EIF3B: variants seen among roughly 807,000 people sequenced by gnomAD.
The protein encoded by EIF3B is eukaryotic translation initiation factor 3 subunit B.
Under a neutral mutation model 104.6 loss-of-function variants are expected in EIF3B, and 10 were observed. The observed-to-expected ratio is 0.10, with a 90% CI of 0.06 to 0.16. The LOEUF (loss-of-function observed/expected upper bound fraction) is 0.16, where lower values mean the gene tolerates loss of function less well. Among genes scored for constraint, EIF3B ranks in the 10% least tolerant of loss-of-function variants. EIF3B has a pLI of 1.00. For synonymous variants in EIF3B, 542 were observed against 417.2 expected (o/e 1.30, Z -3.65); for missense variants, 1,014 against 1,087.9 (o/e 0.93, Z 0.96).
intron 3 of EIF3B, 49 bp downstream of exon 3, chr7:2,362,813 C>T (rs1779809419): frequency 6.2e-7 from 1 of 1,611,060 alleles, no homozygotes; most frequent in Admixed American, 1.7e-5. Context: ...GTGCAAGTGA[C>T]TGGCTGTGTG....
intron 14 of EIF3B, 53 bp from the exon 15 acceptor site, chr7:2,376,897 G>T: frequency 6.3e-7 from 1 of 1,580,004 alleles, no homozygotes; most frequent in East Asian, 2.3e-5. Flanking sequence ...ACATAGTCAC[G>T]GTTGTGGCTC....
intron 6 of EIF3B, among the ~76,000 whole-genome samples, chr7:2,365,055 G>T (rs1022829536): frequency 6.6e-6 from 1 of 152,206 alleles, no homozygotes; most frequent in East Asian, 1.9e-4. Flanking sequence ...CAGGTCAAGC[G>T]GTTCTCCCAC....
At position 2,377,055 on chromosome 7, in the gene EIF3B, C is replaced by T. The variant is rs746366199; in HGVS notation, c.2134C>T (p.Leu712=). The T allele has an allele frequency of 1.5e-5, 24 of 1,613,422 alleles. No homozygotes were observed. The highest frequency in any genetic ancestry group is 1.9e-5 in the Non-Finnish European group (23 of 1,179,918). Residue 712 remains leucine, a synonymous_variant, in exon 15 of 19, where the codon CTG becomes TTG. Transcript: ENST00000360876. ...GTGGCGGCCCCGGCCTCCCACACTCCTGAGCCAGGAACAGATCAAGGTCAG... is the reference window on the plus strand; with the variant it reads ...GTGGCGGCCCCGGCCTCCCACACTCTTGAGCCAGGAACAGATCAAGGTCAG... ...LLWRPRPPTL[L]SQEQIKQIKK... is the part of the protein sequence containing the mutation.
intron 9 of EIF3B, among the ~76,000 whole-genome samples, chr7:2,368,245 C>T (rs1051882123): frequency 1.3e-4 from 20 of 152,130 alleles, no homozygotes; most frequent in African/African-American, 4.3e-4. Context: ...CAGGTTCAAA[C>T]GATTCTGGTG....
At chr7:2,364,167 C>T (rs1161471089) in intron 5 of EIF3B, among the ~76,000 whole-genome samples, 1 of 151,892 alleles carries the variant, frequency 6.6e-6, no homozygotes, top group Admixed American at 6.6e-5. Context: ...GAGGCTGAGG[C>T]AGGAGAATGG....
chr7:2,356,179 C>T (rs1342849487), intron 1 of EIF3B, among the ~76,000 whole-genome samples: 3 of 152,132 alleles, frequency 2.0e-5, no homozygotes, highest in African/African-American at 4.8e-5. Context: ...GTTGGGAACA[C>T]ATCAGCCTCT....
intron 1 of EIF3B, among the ~76,000 whole-genome samples, chr7:2,355,769 C>A (rs1017990049): frequency 1.3e-5 from 2 of 152,080 alleles, no homozygotes; most frequent in Non-Finnish European, 2.9e-5. Flanking sequence ...ACGGCAAAAA[C>A]CGAAGACCCG....
chr7:2,363,556 C>A, intron 4 of EIF3B, 76 bp from the exon 5 acceptor site: 1 of 1,374,142 alleles, frequency 7.3e-7, no homozygotes, highest in Non-Finnish European at 1.0e-6. Flanking sequence ...CTTGTCATAT[C>A]TTTAAGAGCA....
intron 11 of EIF3B, 67 bp from the exon 12 acceptor site, chr7:2,372,606 T>C: frequency 6.4e-7 from 1 of 1,560,022 alleles, no homozygotes; most frequent in Non-Finnish European, 8.7e-7. Flanking sequence ...AGTGAACATT[T>C]TAACTGATCA....
At chr7:2,379,083 G>GA in intron 16 of EIF3B, 51 bp from the exon 17 acceptor site, 9 of 1,536,686 alleles carry the variant, frequency 5.9e-6, no homozygotes, top group Non-Finnish European at 8.1e-6. Context: ...TCTTCGCGAT[G>GA]GGGAGGCACT....
At chr7:2,366,828 A>G (rs1327338792) in intron 8 of EIF3B, 171 bp from the exon 9 acceptor site, 2 of 823,540 alleles carry the variant, frequency 2.4e-6, no homozygotes, top group Non-Finnish European at 3.9e-6. Flanking sequence ...GGGCTTCAGA[A>G]CTGCAGTTCT....
At chr7:2,359,905 A>G (rs1393893479) in intron 1 of EIF3B, among the ~76,000 whole-genome samples, 2 of 152,212 alleles carry the variant, frequency 1.3e-5, no homozygotes, top group Non-Finnish European at 2.9e-5. Context: ...TAGGAAAGAC[A>G]CTGTCACATC....
In EIF3B at chr7:2,371,758, C is replaced by G. The variant is rs189767749; in HGVS notation, c.1615-19C>G. ...TTCACTGTCCAGAATGTCACCCCTT[C>G]CCCCTTTTTTTTAAACAGGGTGTTG... is the stretch of plus-strand genomic sequence containing the variant. On this transcript the variant is annotated intron_variant, in intron 10 of 18. Coordinates refer to ENST00000360876, the MANE Select transcript of EIF3B (RefSeq NM_001037283.2). 4 of 1,585,796 alleles carry G rather than the reference C, an allele frequency of 2.5e-6. No homozygotes were observed. The highest frequency in any genetic ancestry group is 3.5e-6 in the Non-Finnish European group (4 of 1,154,392).
intron 9 of EIF3B, 138 bp from the exon 10 acceptor site, chr7:2,369,334 T>C: frequency 1.1e-6 from 1 of 883,136 alleles, no homozygotes; most frequent in Non-Finnish European, 1.8e-6. Context: ...GAGCAGTGGC[T>C]GTGCAGAGGG....
chr7:2,355,554 G>A (rs566482464), intron 1 of EIF3B, 134 bp downstream of exon 1: 55 of 1,251,812 alleles, frequency 4.4e-5, no homozygotes, highest in Admixed American at 1.3e-4. Context: ...TTCCTGAGAA[G>A]CCACCGAGGG....
chr7:2,354,601 A>T (rs1352997597), upstream of EIF3B, among the ~76,000 whole-genome samples: 1 of 152,194 alleles, frequency 6.6e-6, no homozygotes, highest in African/African-American at 2.4e-5. Context: ...GGACGGAACC[A>T]TCTGCTGCCA....
At position 2,369,586 on chromosome 7, in the gene EIF3B, G is replaced by A. The variant is rs1562485507; in HGVS notation, c.1518G>A (p.Val506=). ...TCCCTACCAGGCAAGAGATCCGAGT[G>A]AGGAACCTGTTCAATGTGGTGGACT... ...MQLPTRQEIR[V]RNLFNVVDCK... is the part of the protein sequence containing the mutation. Residue 506 remains valine, a synonymous_variant, in exon 10 of 19, where the codon GTG becomes GTA. Coordinates refer to ENST00000360876, the MANE Select transcript of EIF3B (RefSeq NM_001037283.2). 2 of 1,614,090 alleles carry A rather than the reference G, an allele frequency of 1.2e-6. No individual in the cohort carries two copies. The highest frequency in any genetic ancestry group is 1.1e-5 in the South Asian group (1 of 91,078).
chr7:2,376,895 A>C, intron 14 of EIF3B, 55 bp from the exon 15 acceptor site: 1 of 1,576,854 alleles, frequency 6.3e-7, no homozygotes. Flanking sequence ...TGACATAGTC[A>C]CGGTTGTGGC....
At chr7:2,375,620 A>G in intron 14 of EIF3B, 93 bp downstream of exon 14, 2 of 1,556,814 alleles carry the variant, frequency 1.3e-6, no homozygotes, top group Non-Finnish European at 1.8e-6. Context: ...ACCTCAGGGA[A>G]GGGGCACCAA....
Sources: gnomAD v4.1 joint callset for allele counts (sites outside exome capture counted in the v4.1 genomes callset) on GRCh38, gnomAD v4.1.1 for gene constraint, MANE v1.5 for transcripts, NCBI Gene and HGNC (gene_info 2026-07-23, HGNC 2026-07-21) for gene names.